Variants in PALM2AKAP2 observed in about 807,000 individuals in gnomAD.
The protein encoded by PALM2AKAP2 is PALM2-AKAP2 fusion protein.
A neutral mutation model predicts 71.5 loss-of-function variants in PALM2AKAP2; 37 were observed. That is an observed-to-expected ratio of 0.52 (90% confidence interval 0.40 to 0.68). PALM2AKAP2 has a LOEUF of 0.68. PALM2AKAP2 is among the 30% of genes least tolerant of loss of function. The pLI, the probability that PALM2AKAP2 is intolerant of heterozygous loss-of-function variation, is 0.00. For synonymous variants in PALM2AKAP2, 468 were observed against 478.8 expected (o/e 0.98, Z 0.29); for missense variants, 1,224 against 1,191.8 (o/e 1.03, Z -0.40).
chr9:109,832,959 G>A (rs958011534), intron 1 of PALM2AKAP2, among the ~76,000 whole-genome samples: 2 of 152,206 alleles, frequency 1.3e-5, no homozygotes, highest in Non-Finnish European at 2.9e-5. Flanking sequence ...CGTCCCTGCA[G>A]CACCTTCTGT....
chr9:109,650,357 T>C (rs1343254012), intron 1 of PALM2AKAP2, among the ~76,000 whole-genome samples: 1 of 148,374 alleles, frequency 6.7e-6, no homozygotes, highest in Non-Finnish European at 1.5e-5. Context: ...ATAATTCTTA[T>C]AGCTTGTGAT....
At chr9:110,071,249 T>C (rs1236572764) in intron 1 of PALM2AKAP2, among the ~76,000 whole-genome samples, 1 of 151,720 alleles carries the variant, frequency 6.6e-6, no homozygotes, top group Non-Finnish European at 1.5e-5. Flanking sequence ...TTTCATGTAG[T>C]TGAACTCAAC....
At chr9:109,781,572 C>T (rs1826801646) in intron 1 of PALM2AKAP2, among the ~76,000 whole-genome samples, 1 of 152,110 alleles carries the variant, frequency 6.6e-6, no homozygotes, top group African/African-American at 2.4e-5. Context: ...TTTTCCAAAA[C>T]CTTTTTGGAC....
At chr9:109,943,573 T>C in intron 6 of PALM2AKAP2, 4 of 1,164,628 alleles carry the variant, frequency 3.4e-6, no homozygotes, top group Non-Finnish European at 3.6e-6. Context: ...TCTCATTTTT[T>C]TTCCTTTTCC....
chr9:110,136,909 G>A (rs764490325), exon 2 of PALM2AKAP2: 3 of 1,614,180 alleles, frequency 1.9e-6, no homozygotes, highest in Non-Finnish European at 2.5e-6. Flanking sequence ...AGAGGAGAGA[G>A]CTCATCCGCA....
chr9:110,158,304 C>T (rs2119231998), intron 3 of PALM2AKAP2, among the ~76,000 whole-genome samples: 1 of 152,324 alleles, frequency 6.6e-6, no homozygotes, highest in South Asian at 2.1e-4. Context: ...CTCTATACAT[C>T]AGCAGTTTTG....
At chr9:109,745,202 C>T (rs12349783) in intron 1 of PALM2AKAP2, among the ~76,000 whole-genome samples, 6,561 of 152,018 alleles carry the variant, frequency 0.043, 464 homozygotes, top group African/African-American at 0.15. Flanking sequence ...AAATAAGGCT[C>T]GTAGCCGGGC....
chr9:109,724,369 G>A (rs1828446353), intron 1 of PALM2AKAP2, among the ~76,000 whole-genome samples: 2 of 152,102 alleles, frequency 1.3e-5, no homozygotes, highest in Non-Finnish European at 2.9e-5. Flanking sequence ...AGGTTTTGTG[G>A]TACTTGACGA....
chr9:109,797,043 CTTCT>C (rs951346086), intron 1 of PALM2AKAP2, among the ~76,000 whole-genome samples: 1 of 152,164 alleles, frequency 6.6e-6, no homozygotes, highest in Admixed American at 6.5e-5. Context: ...TGAATTCTCA[CTTCT>C]TTCTTTTGTA....
intron 6 of PALM2AKAP2, among the ~76,000 whole-genome samples, chr9:110,005,220 C>T (rs1289022600): frequency 6.6e-6 from 1 of 152,194 alleles, no homozygotes; most frequent in Non-Finnish European, 1.5e-5. Flanking sequence ...GATGTCCTTG[C>T]TGTTTGTTAG....
chr9:109,810,688 A>G (rs1827705295), intron 1 of PALM2AKAP2, among the ~76,000 whole-genome samples: 1 of 152,106 alleles, frequency 6.6e-6, no homozygotes, highest in Non-Finnish European at 1.5e-5. Context: ...GTGGGCTTGG[A>G]AGGGGATACT....
chr9:109,709,184 G>C (rs997992434), intron 1 of PALM2AKAP2, among the ~76,000 whole-genome samples: 1 of 152,172 alleles, frequency 6.6e-6, no homozygotes, highest in Non-Finnish European at 1.5e-5. Context: ...ACATCCTGGG[G>C]CACTGTAGCA....
intron 1 of PALM2AKAP2, among the ~76,000 whole-genome samples, chr9:109,859,315 T>A (rs1248727898): frequency 6.6e-6 from 1 of 152,142 alleles, no homozygotes; most frequent in African/African-American, 2.4e-5. Context: ...GGTTAATGGG[T>A]ACAATTATAC....
chr9:110,029,816 C>T (rs1374079738), intron 7 of PALM2AKAP2, among the ~76,000 whole-genome samples: 1 of 152,180 alleles, frequency 6.6e-6, no homozygotes, highest in African/African-American at 2.4e-5. Flanking sequence ...TTTGTCTCTC[C>T]AGTTAATGTC....
chr9:109,954,498 G>GGT (rs993129490), intron 6 of PALM2AKAP2, among the ~76,000 whole-genome samples: 1 of 141,446 alleles, frequency 7.1e-6, no homozygotes, highest in Non-Finnish European at 1.5e-5. Context: ...TCACACTCTG[G>GGT]GGACTGTAGT....
At chr9:110,082,693 G>A (rs561151840) in intron 1 of PALM2AKAP2, among the ~76,000 whole-genome samples, 36 of 152,292 alleles carry the variant, frequency 2.4e-4, no homozygotes, top group African/African-American at 8.2e-4. Flanking sequence ...TGGTTTTGTG[G>A]TAAAATGTAT....
chr9:109,716,985 T>A (rs1336482829), intron 1 of PALM2AKAP2, among the ~76,000 whole-genome samples: 2 of 152,120 alleles, frequency 1.3e-5, no homozygotes, highest in African/African-American at 4.8e-5. Flanking sequence ...CATCTAGTAT[T>A]GAAAGTTACA....
intron 6 of PALM2AKAP2, among the ~76,000 whole-genome samples, chr9:109,997,482 A>G (rs1290315893): frequency 6.6e-6 from 1 of 152,220 alleles, no homozygotes; most frequent in East Asian, 1.9e-4. Flanking sequence ...CACTGGCAAG[A>G]CATTGAGGGT....
intron 1 of PALM2AKAP2, among the ~76,000 whole-genome samples, chr9:109,694,955 G>A (rs920654158): frequency 1.1e-4 from 17 of 152,042 alleles, no homozygotes; most frequent in African/African-American, 4.1e-4. Context: ...ATGGTATTAG[G>A]ACAAGTGAGA....
Sources: gnomAD v4.1 joint callset for allele counts (sites outside exome capture counted in the v4.1 genomes callset) on GRCh38, gnomAD v4.1.1 for gene constraint, MANE v1.5 for transcripts, NCBI Gene and HGNC (gene_info 2026-07-23, HGNC 2026-07-21) for gene names.